ADAM12: variants seen among roughly 807,000 people sequenced by gnomAD.
ADAM12 encodes the protein disintegrin and metalloproteinase domain-containing protein 12.
ADAM12 carries 70 observed loss-of-function variants against 106.4 expected under a neutral mutation model. That is an observed-to-expected ratio of 0.66 (90% CI 0.54 to 0.80). The LOEUF (loss-of-function observed/expected upper bound fraction) is 0.80. Ranked by LOEUF, ADAM12 falls within the 30% of genes least tolerant of loss-of-function variation. The pLI is 0.00. For missense variants in ADAM12, 1,010 were observed against 1,171.9 expected, an observed-to-expected ratio of 0.86 and a Z score of 2.02; for synonymous variants, 420 against 433.5, an observed-to-expected ratio of 0.97 and a Z score of 0.39.
At chr10:126,025,017 A>G (rs1446592348) in intron 21 of ADAM12, among the ~76,000 whole-genome samples, 1 of 152,152 alleles carries the variant, frequency 6.6e-6, no homozygotes, top group East Asian at 1.9e-4. Flanking sequence ...ACTGTTAAAC[A>G]GAAAACAACA....
rs1275601403 is a variant in ADAM12 at position 126,036,284 on chromosome 10, G to A, written c.2391C>T (p.Ile797=). ...CATTCAGGCCGTTGAGGGGTCTGCT[G>A]ATGTCAACATTCTGACACTGCAGCA... The part of the protein sequence containing the change: ...RRLLQCQNVD[I]SRPLNGLNVP... Residue 797 remains isoleucine, a synonymous_variant, in exon 21 of 23, where the codon ATC becomes ATT. Coordinates refer to ENST00000448723, the MANE Select transcript of ADAM12 (RefSeq NM_001288973.2). 1.3e-6 allele frequency: 2 copies of A among 1,562,574 alleles called. No individual in the cohort carries two copies. The highest frequency in any genetic ancestry group is 8.6e-7 in the Non-Finnish European group (1 of 1,160,968).
chr10:126,244,257 A>AAT, intron 3 of ADAM12, among the ~76,000 whole-genome samples: 1 of 152,248 alleles, frequency 6.6e-6, no homozygotes, highest in African/African-American at 2.4e-5. Flanking sequence ...TGGCTCATAC[A>AAT]GAACTCTGAG....
chr10:126,104,781 T>C (rs1010175034), intron 8 of ADAM12, among the ~76,000 whole-genome samples: 1 of 152,184 alleles, frequency 6.6e-6, no homozygotes, highest in Non-Finnish European at 1.5e-5. Flanking sequence ...AAACCACTCG[T>C]CTGTTTTCCA....
At chr10:126,035,609 A>G (rs1207013623) in intron 21 of ADAM12, among the ~76,000 whole-genome samples, 1 of 152,226 alleles carries the variant, frequency 6.6e-6, no homozygotes, top group Non-Finnish European at 1.5e-5. Context: ...TTCTATTGTG[A>G]AATATCATTC....
chr10:126,037,895 T>C (rs1027883166), intron 20 of ADAM12, among the ~76,000 whole-genome samples: 1 of 152,128 alleles, frequency 6.6e-6, no homozygotes, highest in Non-Finnish European at 1.5e-5. Context: ...GGGGCTGGCA[T>C]TGGGGGCTGG....
At position 126,159,579 on chromosome 10, in the gene ADAM12, C is replaced by T. The variant is rs1304791349; in HGVS notation, c.261-4274G>A. On this transcript the variant is annotated intron_variant, in intron 3 of 22. Coordinates refer to ENST00000448723, the MANE Select transcript of ADAM12 (RefSeq NM_001288973.2). ...ATTTGTAGAACAAAGATACATCATT[C>T]GAAGGCTTCTGACCAGGCTTAACTG... Among the ~76,000 whole-genome samples the T allele has an allele frequency of 4.6e-5, 7 of 152,126 alleles. No individual in the cohort carries two copies. The East Asian group carries it at 7.7e-4, about 17-fold the overall frequency.
intron 3 of ADAM12, chr10:126,272,809 G>A: frequency 5.0e-6 from 2 of 403,398 alleles, no homozygotes; most frequent in Non-Finnish European, 1.0e-5. Context: ...GCTATGGTCA[G>A]CATTAATAAT....
intron 2 of ADAM12, among the ~76,000 whole-genome samples, chr10:126,305,138 A>G (rs1960789967): frequency 6.6e-6 from 1 of 152,078 alleles, no homozygotes; most frequent in Admixed American, 6.5e-5. Flanking sequence ...AAATAAAAAT[A>G]TATTTCTACA....
intron 21 of ADAM12, 97 bp from the exon 22 acceptor site, chr10:126,019,922 G>C (rs1953731825): frequency 7.2e-7 from 1 of 1,396,188 alleles, no homozygotes; most frequent in African/African-American, 1.5e-5. Flanking sequence ...CCTGCTTCCT[G>C]AATATCATCC....
At chr10:126,045,810 A>G (rs1354505382) in intron 17 of ADAM12, among the ~76,000 whole-genome samples, 2 of 152,246 alleles carry the variant, frequency 1.3e-5, no homozygotes, top group African/African-American at 2.4e-5. Flanking sequence ...TTGAACAACA[A>G]AAGTCTTTTT....
rs142029020 is a variant in ADAM12 at position 126,231,530 on chromosome 10, G to A, written c.260+47385C>T. Reference sequence around the variant, plus strand: ...TAGCAACTCCCTCCCATGAGTGGTCGTGATGTGCTGCTTTTCTTACCTTCC... The same window carrying A: ...TAGCAACTCCCTCCCATGAGTGGTCATGATGTGCTGCTTTTCTTACCTTCC... On this transcript the variant is annotated intron_variant, in intron 3 of 22. Transcript: ENST00000448723. Among the ~76,000 whole-genome samples, 255 of 152,264 alleles carry A rather than the reference G, an allele frequency of 1.7e-3. 2 individuals carry two copies. Among genetic ancestry groups the A allele is most frequent in the East Asian group, 9.3e-3 (48 of 5,186 alleles).
intron 8 of ADAM12, among the ~76,000 whole-genome samples, chr10:126,102,397 T>C (rs557059658): frequency 1.3e-5 from 2 of 152,330 alleles, no homozygotes; most frequent in African/African-American, 4.8e-5. Context: ...GCAGGTCCTA[T>C]TCTCAGTTGC....
At chr10:126,102,978 T>C (rs1461198079) in intron 8 of ADAM12, among the ~76,000 whole-genome samples, 1 of 152,190 alleles carries the variant, frequency 6.6e-6, no homozygotes, top group Non-Finnish European at 1.5e-5. Flanking sequence ...TGCTAAGAGA[T>C]GTCCTTGGGG....
At position 126,231,221 on chromosome 10, in the gene ADAM12, CATTAAGATT is replaced by C. The variant is rs561697292; in HGVS notation, c.260+47685_260+47693del. Among the ~76,000 whole-genome samples, 442 of 152,172 alleles carry C rather than the reference CATTAAGATT, an allele frequency of 2.9e-3. 5 individuals carry two copies. The highest frequency in any genetic ancestry group is 9.8e-3 in the African/African-American group (408 of 41,522). On this transcript the variant is annotated intron_variant, in intron 3 of 22. Coordinates refer to ENST00000448723, the MANE Select transcript of ADAM12 (RefSeq NM_001288973.2). The stretch of plus-strand genomic sequence containing the variant: ...CGAGGTTTGCCAGAATAGTACAGCC[CATTAAGATT>C]ATTTAAAGTTTGCGAGAAACTTATT...
chr10:126,243,562 G>A (rs1249247037), intron 3 of ADAM12, among the ~76,000 whole-genome samples: 1 of 150,896 alleles, frequency 6.6e-6, no homozygotes, highest in African/African-American at 2.4e-5. Context: ...TGTGTGTGTA[G>A]GCCATTCAGG....
At chr10:126,108,568 A>AT in intron 8 of ADAM12, 25 bp downstream of exon 8, 1 of 1,597,306 alleles carries the variant, frequency 6.3e-7, no homozygotes, top group Non-Finnish European at 8.6e-7. Context: ...GATCTGAATG[A>AT]TTTAACTACT....
At chr10:126,322,737 C>T (rs75056269) in intron 2 of ADAM12, among the ~76,000 whole-genome samples, 2,285 of 152,302 alleles carry the variant, frequency 0.015, 70 homozygotes, top group African/African-American at 0.052. Flanking sequence ...ACAAGCCCAA[C>T]GCCACACAGC....
chr10:126,095,144 G>T (rs1309148293), intron 10 of ADAM12, among the ~76,000 whole-genome samples: 1 of 152,162 alleles, frequency 6.6e-6, no homozygotes, highest in Non-Finnish European at 1.5e-5. Flanking sequence ...AGGCTTCCAA[G>T]AAACAGTGCT....
At chr10:126,354,425 G>T (rs1236805480) in intron 1 of ADAM12, among the ~76,000 whole-genome samples, 1 of 148,580 alleles carries the variant, frequency 6.7e-6, no homozygotes, top group Non-Finnish European at 1.5e-5. Context: ...AGAAGTTACT[G>T]CACATGGTAT....
Sources: allele counts gnomAD v4.1 joint callset (sites outside exome capture counted in the v4.1 genomes callset), GRCh38; gene constraint gnomAD v4.1.1; transcripts MANE v1.5; gene names NCBI Gene and HGNC (gene_info 2026-07-23, HGNC 2026-07-21).